Variants in TRIT1 observed in about 807,000 individuals in gnomAD.
The protein encoded by TRIT1 is tRNA dimethylallyltransferase.
TRIT1 carries 43 observed loss-of-function variants against 51.2 expected under a neutral mutation model. That is an observed-to-expected ratio of 0.84 (90% confidence interval 0.66 to 1.08). The LOEUF is 1.08. Ranked by LOEUF, TRIT1 falls within the 50% of genes least tolerant of loss-of-function variation. The probability of loss-of-function intolerance (pLI) is 0.00; values close to 1 mark genes in which losing one functional copy is unlikely to be tolerated. For missense variants in TRIT1, 528 were observed against 578.4 expected (o/e 0.91, Z 0.89); for synonymous variants, 184 against 203.9 (o/e 0.90, Z 0.83).
At chr1:39,872,722 G>A (rs921048844) in intron 1 of TRIT1, among the ~76,000 whole-genome samples, 2 of 138,856 alleles carry the variant, frequency 1.4e-5, no homozygotes, top group Non-Finnish European at 3.0e-5. Context: ...GGGACTAGAA[G>A]CATCTTGTAA....
chr1:39,871,452 G>C (rs6600305), intron 1 of TRIT1, among the ~76,000 whole-genome samples: 86,113 of 151,836 alleles, frequency 0.57, 26,545 homozygotes, highest in African/African-American at 0.83. Context: ...TGGTGGCACA[G>C]GCCTATAGTC....
chr1:39,880,569 G>A lies in TRIT1; in HGVS notation c.174+2749C>T, dbSNP rs376636056. ...GAATCCCAGCACTTTGGGAGGCCAA[G>A]GCGGGCGGATCATGAGGTCAAGAGT... On this transcript the variant is annotated intron_variant, in intron 1 of 10. Coordinates refer to ENST00000316891, the MANE Select transcript of TRIT1 (RefSeq NM_017646.6). 3.5e-3 allele frequency among the ~76,000 whole-genome samples: 529 copies of A among 152,150 alleles called. 1 individual carries two copies. Among genetic ancestry groups the A allele is most frequent in the African/African-American group, 0.012 (484 of 41,518 alleles).
intron 9 of TRIT1, 129 bp downstream of exon 9, chr1:39,844,402 A>C: frequency 5.7e-6 from 5 of 882,914 alleles, no homozygotes; most frequent in Non-Finnish European, 9.0e-6. Flanking sequence ...CAGGTATTAA[A>C]AAGCAGCCAG....
chr1:39,844,453 C>T, intron 9 of TRIT1, 78 bp downstream of exon 9: 1 of 1,189,014 alleles, frequency 8.4e-7, no homozygotes, highest in African/African-American at 1.5e-5. Flanking sequence ...CCTGGTTCTT[C>T]AATATAGCAA....
At chr1:39,854,425 A>G (rs535281441) in intron 2 of TRIT1, among the ~76,000 whole-genome samples, 1 of 152,354 alleles carries the variant, frequency 6.6e-6, no homozygotes, top group Non-Finnish European at 1.5e-5. Flanking sequence ...GAGGCCATCA[A>G]GGTGACATCC....
intron 2 of TRIT1, 38 bp downstream of exon 2, chr1:39,857,239 C>G: frequency 1.3e-6 from 2 of 1,566,092 alleles, no homozygotes; most frequent in South Asian, 2.3e-5. Flanking sequence ...GGGCTGCTTT[C>G]ACCCACCAAA....
intron 1 of TRIT1, among the ~76,000 whole-genome samples, chr1:39,858,658 G>C (rs1643040218): frequency 6.6e-6 from 1 of 152,144 alleles, no homozygotes; most frequent in South Asian, 2.1e-4. Context: ...TGCTCTTAGT[G>C]ACTGAGGTCA....
Position 39,844,110 on chromosome 1 carries a change from C to T in TRIT1, c.1225G>A (p.Glu409Lys), listed in dbSNP as rs764506732. ...LCDRIIIGDR[E>K]WAAHIKSKSH... ...CCTCCCCATACTCTACCTGCCCATT[C>T]GCGATCCCCAATGATGATTCGATCA... The change falls in exon 10 of 11, where the codon GAA (glutamate) becomes AAA (lysine). Residue 409 changes from glutamate (E) to lysine (K), a missense_variant. Coordinates refer to ENST00000316891, the MANE Select transcript of TRIT1 (RefSeq NM_017646.6). The T allele has an allele frequency of 3.7e-6, 6 of 1,613,160 alleles. No individual in the cohort carries two copies. The highest frequency in any genetic ancestry group is 2.7e-5 in the African/African-American group (2 of 74,904).
chr1:39,880,188 A>AACT (rs1644209389), intron 1 of TRIT1, among the ~76,000 whole-genome samples: 1 of 149,620 alleles, frequency 6.7e-6, no homozygotes, highest in Admixed American at 6.7e-5. Context: ...CAACAACAAC[A>AACT]ACAACAAAAA....
intron 1 of TRIT1, among the ~76,000 whole-genome samples, chr1:39,870,020 G>C (rs1643799159): frequency 6.6e-6 from 1 of 152,234 alleles, no homozygotes; most frequent in Non-Finnish European, 1.5e-5. Flanking sequence ...GTACCCAGCA[G>C]CTCATTGAGA....
intron 1 of TRIT1, among the ~76,000 whole-genome samples, chr1:39,871,805 T>A (rs1187602039): frequency 1.3e-5 from 2 of 152,132 alleles, no homozygotes; most frequent in East Asian, 3.9e-4. Context: ...AACTGTTCAG[T>A]ATGGTACTGT....
chr1:39,852,519 C>A, intron 4 of TRIT1: 1 of 607,022 alleles, frequency 1.6e-6, no homozygotes. Flanking sequence ...TTGTACTATG[C>A]ATTTAAAATG....
intron 1 of TRIT1, among the ~76,000 whole-genome samples, chr1:39,882,808 A>G (rs552382724): frequency 1.3e-5 from 2 of 152,342 alleles, no homozygotes; most frequent in South Asian, 2.1e-4. Flanking sequence ...TCACATGGCC[A>G]ATGGCAGATT....
chr1:39,879,118 A>C (rs961992208), intron 1 of TRIT1, among the ~76,000 whole-genome samples: 5 of 152,056 alleles, frequency 3.3e-5, no homozygotes, highest in African/African-American at 9.7e-5. Context: ...AAATACAAAA[A>C]ATTAGCCAGG....
In TRIT1 at chr1:39,839,735, T is replaced by A. The variant is rs1488049159; in HGVS notation, c.*2009A>T. ...CTTCATAAATATTAGACACTTTTTT[T>A]TTGGTAAAAAAGGCCTGATTTCCAA... On this transcript the variant is annotated 3_prime_UTR_variant, in exon 11 of 11. Transcript: ENST00000316891. Among the ~76,000 whole-genome samples, 1 of 152,198 alleles carries A rather than the reference T, an allele frequency of 6.6e-6. No homozygotes were observed. The highest frequency in any genetic ancestry group is 1.5e-5 in the Non-Finnish European group (1 of 68,044).
At position 39,852,849 on chromosome 1, in the gene TRIT1, T is replaced by C. The variant is rs749004054; in HGVS notation, c.442A>G (p.Ile148Val). The change falls in exon 4 of 11, where the codon ATT becomes GTT. Residue 148 changes from isoleucine (I) to valine (V), a missense_variant. Ile to Val is a conservative substitution (Grantham distance 29). This residue lies in a region of TRIT1 where 468 missense variants were observed against 522.6 expected (regional missense o/e 0.90). Coordinates refer to ENST00000316891, the MANE Select transcript of TRIT1 (RefSeq NM_017646.6). ...KPQEMGTEKV[I>V]DRKVELEKED... ...TTTTCAAGCTCCACTTTTCGGTCAA[T>C]CACTTTCTCAGTGCCCATCTCCTGG... is the stretch of plus-strand genomic sequence containing the variant. 2.4e-5 allele frequency: 38 copies of C among 1,614,222 alleles called. No homozygotes were observed. The highest frequency in any genetic ancestry group is 3.1e-5 in the Non-Finnish European group (37 of 1,180,050).
At position 39,883,305 on chromosome 1, in the gene TRIT1, C is replaced by A; in HGVS notation, c.174+13G>T. ...GGGGTCCCCAGGCGCCCGGGCCAGC[C>A]GCACTGCCATACCTGCATGGAGTCA... On this transcript the variant is annotated intron_variant, in intron 1 of 10. Coordinates refer to ENST00000316891, the MANE Select transcript of TRIT1 (RefSeq NM_017646.6). The A allele has an allele frequency of 6.3e-7, 1 of 1,597,060 alleles. No individual in the cohort carries two copies. The highest frequency in any genetic ancestry group is 8.5e-7 in the Non-Finnish European group (1 of 1,172,474).
chr1:39,882,580 C>T (rs2124700269), intron 1 of TRIT1, among the ~76,000 whole-genome samples: 1 of 152,298 alleles, frequency 6.6e-6, no homozygotes, highest in South Asian at 2.1e-4. Context: ...GAGGACAAAG[C>T]CCCTTCAACT....
Position 39,869,631 on chromosome 1 carries a change from C to T in TRIT1, c.175-12214G>A, listed in dbSNP as rs553107512. Among the ~76,000 whole-genome samples the T allele has an allele frequency of 7.3e-4, 111 of 151,678 alleles. 1 individual carries two copies. Among genetic ancestry groups the T allele is most frequent in the African/African-American group, 2.5e-3 (104 of 41,338 alleles). On this transcript the variant is annotated intron_variant, in intron 1 of 10. Coordinates refer to ENST00000316891, the MANE Select transcript of TRIT1 (RefSeq NM_017646.6). Reference sequence around the variant, plus strand: ...CTGGGAAGTGAGGAGCGCCTCTTCCCGGCCGCCATCCCATCTAGGAAGTGA... The same window carrying T: ...CTGGGAAGTGAGGAGCGCCTCTTCCTGGCCGCCATCCCATCTAGGAAGTGA...
Sources: allele counts gnomAD v4.1 joint callset (sites outside exome capture counted in the v4.1 genomes callset), GRCh38; gene constraint gnomAD v4.1.1; regional missense constraint gnomAD v4.1.1; transcripts MANE v1.5; gene names NCBI Gene and HGNC (gene_info 2026-07-23, HGNC 2026-07-21).